PCF11: variants seen among roughly 807,000 people sequenced by gnomAD.
PCF11 encodes the protein pre-mRNA cleavage complex 2 protein Pcf11.
Under a neutral mutation model 166.1 loss-of-function variants are expected in PCF11, and 19 were observed. That is an observed-to-expected ratio of 0.11 (90% confidence interval 0.08 to 0.17). PCF11 has a LOEUF of 0.17. Among genes scored for constraint, PCF11 ranks in the 10% least tolerant of loss-of-function variants. The probability of loss-of-function intolerance (pLI) is 1.00; values close to 1 mark genes in which losing one functional copy is unlikely to be tolerated. For missense variants in PCF11, 1,565 were observed against 1,855.5 expected (o/e 0.84, Z 2.88); for synonymous variants, 663 against 644.1 (o/e 1.03, Z -0.44).
exon 5 of PCF11, chr11:83,166,257 G>A (rs1860453184): frequency 6.2e-7 from 1 of 1,613,234 alleles, no homozygotes; most frequent in Non-Finnish European, 8.5e-7. Context: ...AAATGGCATT[G>A]TACAAAAACA....
At chr11:83,158,753 A>C (rs1195195939) in intron 1 of PCF11, 2 of 152,260 alleles carry the variant, frequency 1.3e-5, no homozygotes, top group African/African-American at 2.4e-5. Context: ...CTTTAACAAC[A>C]ACCACCAATA....
intron 2 of PCF11, 151 bp from the exon 3 acceptor site, chr11:83,163,528 G>A (rs911393095): frequency 8.5e-6 from 3 of 351,002 alleles, no homozygotes; most frequent in Non-Finnish European, 5.1e-6. Flanking sequence ...AAGGAGAAAT[G>A]CACCTTTAAT....
At chr11:83,177,506 T>C (rs1372000626) in intron 10 of PCF11, among the ~76,000 whole-genome samples, 1 of 152,228 alleles carries the variant, frequency 6.6e-6, no homozygotes, top group Non-Finnish European at 1.5e-5. Context: ...AAATGACTTT[T>C]ATTATAGATG....
chr11:83,171,293 GC>G (rs776425869), intron 8 of PCF11: 10 of 455,432 alleles, frequency 2.2e-5, no homozygotes, highest in Non-Finnish European at 4.4e-5. Context: ...ATGCTTACCT[GC>G]TTGGTAATTC....
intron 11 of PCF11, 72 bp downstream of exon 11, chr11:83,177,891 C>T (rs1860941875): frequency 1.8e-6 from 1 of 549,702 alleles, no homozygotes; most frequent in East Asian, 3.2e-5. Context: ...GACATTGTTA[C>T]TATTAGTGCT....
chr11:83,165,556 G>C, intron 4 of PCF11, 44 bp from the exon 5 acceptor site: 1 of 1,474,842 alleles, frequency 6.8e-7, no homozygotes, highest in East Asian at 2.3e-5. Flanking sequence ...TTGACAATCT[G>C]CATGTTCTGC....
chr11:83,176,146 G>A (rs1050580638), intron 9 of PCF11, among the ~76,000 whole-genome samples: 3 of 152,202 alleles, frequency 2.0e-5, no homozygotes, highest in East Asian at 3.9e-4. Context: ...AGAAGATGAG[G>A]AAGAGAGATT....
intron 11 of PCF11, among the ~76,000 whole-genome samples, 152 bp downstream of exon 11, chr11:83,177,971 A>C (rs1226781243): frequency 1.3e-5 from 2 of 151,426 alleles, no homozygotes; most frequent in African/African-American, 4.9e-5. Context: ...AATGTGGTAA[A>C]ATATACATAA....
Position 83,167,420 on chromosome 11 carries a change from T to C in PCF11, c.2007T>C (p.Ser669=), listed in dbSNP as rs1356028432. The C allele has an allele frequency of 6.3e-7, 1 of 1,595,082 alleles. No individual in the cohort carries two copies. The highest frequency in any genetic ancestry group is 1.1e-5 in the South Asian group (1 of 87,612). Residue 669 remains serine (S), a synonymous_variant, in exon 7 of 16, where the codon AGT becomes AGC. Coordinates refer to ENST00000298281, the Ensembl canonical transcript of PCF11. The surrounding 1 kb of genome is among the most constrained non-coding windows in gnomAD (Gnocchi z 4.2). ...CTTTTATCACCCCTATACAGACGAG[T>C]GAACGTTTAGCATCTGGTGAAATTA...
intron 4 of PCF11, 59 bp downstream of exon 4, chr11:83,164,460 A>T (rs1056660865): frequency 1.6e-6 from 2 of 1,223,294 alleles, no homozygotes; most frequent in African/African-American, 3.1e-5. Flanking sequence ...TAGGGAAGTA[A>T]TGTTTATGTT....
exon 1 of PCF11, chr11:83,157,167 A>G (rs1590915230): frequency 1.4e-5 from 8 of 573,554 alleles, no homozygotes; most frequent in East Asian, 2.8e-5. Flanking sequence ...ACATTTTCGG[A>G]GCTGGAGCCG....
In PCF11 at chr11:83,174,818, T is replaced by C. The variant is rs114877671; in HGVS notation, c.3758-2267T>C. On this transcript the variant is annotated intron_variant, in intron 9 of 15. Coordinates refer to ENST00000298281, the Ensembl canonical transcript of PCF11. ...GGCTGCCCTCAGACATCTGAATAGC[T>C]AATTGTGCATCTTAGGCATATAAAT... is the stretch of plus-strand genomic sequence containing the variant. 2.1e-3 allele frequency among the ~76,000 whole-genome samples: 320 copies of C among 152,352 alleles called. 2 individuals carry two copies. The highest frequency in any genetic ancestry group is 7.5e-3 in the African/African-American group (310 of 41,584).
At chr11:83,185,906 G>GAGAC (rs1286404676) in exon 16 of PCF11, 1 of 152,610 alleles carries the variant, frequency 6.6e-6, no homozygotes, top group Admixed American at 6.5e-5. Flanking sequence ...CAGGCACTCT[G>GAGAC]AGACAGGTTA....
At chr11:83,166,028 A>G (rs1427842057) in exon 5 of PCF11, 24 of 1,601,968 alleles carry the variant, frequency 1.5e-5, no homozygotes, top group Non-Finnish European at 1.9e-5. Flanking sequence ...TGAAAAACAA[A>G]TTATCTCACA....
exon 5 of PCF11, chr11:83,166,439 G>A (rs542554229): frequency 1.2e-6 from 2 of 1,613,946 alleles, no homozygotes; most frequent in South Asian, 1.1e-5. Flanking sequence ...CTCCAACATC[G>A]ACACCTAAAG....
chr11:83,176,473 T>A (rs1426424285), intron 9 of PCF11, among the ~76,000 whole-genome samples: 1 of 152,170 alleles, frequency 6.6e-6, no homozygotes, highest in Non-Finnish European at 1.5e-5. Flanking sequence ...TAAGAAAGTG[T>A]GGCACATATA....
At chr11:83,185,945 C>A (rs1433248609) in exon 16 of PCF11, 2 of 152,486 alleles carry the variant, frequency 1.3e-5, no homozygotes, top group African/African-American at 4.8e-5. Context: ...TGGAGATAGG[C>A]ATATAAAACA....
At chr11:83,174,514 C>T (rs995924375) in intron 9 of PCF11, among the ~76,000 whole-genome samples, 2 of 151,540 alleles carry the variant, frequency 1.3e-5, no homozygotes, top group Admixed American at 6.6e-5. Context: ...CCACCACACT[C>T]GGCCTCAAAG....
intron 12 of PCF11, 96 bp from the exon 13 acceptor site, chr11:83,181,758 A>G (rs1248532232): frequency 2.7e-6 from 2 of 729,130 alleles, no homozygotes; most frequent in East Asian, 6.0e-5. Flanking sequence ...TGTAGAAAAT[A>G]GTATACCCCT....
Sources: gnomAD v4.1 joint callset for allele counts (sites outside exome capture counted in the v4.1 genomes callset) on GRCh38, gnomAD v4.1.1 for gene constraint, Gnocchi (gnomAD v3.1) non-coding constraint, MANE v1.5 for transcripts, NCBI Gene and HGNC (gene_info 2026-07-23, HGNC 2026-07-21) for gene names.